Variants in TBXAS1 observed in about 807,000 individuals in gnomAD.
TBXAS1 encodes the protein thromboxane-A synthase.
TBXAS1 carries 48 observed loss-of-function variants against 60.7 expected under a neutral mutation model. That is an observed-to-expected ratio of 0.79 (90% CI 0.63 to 1.01). TBXAS1 has a LOEUF of 1.01. Ranked by LOEUF, TBXAS1 falls within the 50% of genes least tolerant of loss-of-function variation. The probability of loss-of-function intolerance (pLI) is 0.00; values close to 1 mark genes in which losing one functional copy is unlikely to be tolerated. For synonymous variants in TBXAS1, 287 were observed against 269.7 expected, an observed-to-expected ratio of 1.06 and a Z score of -0.63; for missense variants, 685 against 686.3, an observed-to-expected ratio of 1.00 and a Z score of 0.02.
In TBXAS1 at chr7:139,890,285, C is replaced by T. The variant is rs1470387175; in HGVS notation, c.236+14648C>T. ...GGCTGGAGTGCTGTGGCGCGATCTC[C>T]GCTCACTGCAAGCTCCGCCTTCCGG... On this transcript the variant is annotated intron_variant, in intron 3 of 12. Coordinates refer to ENST00000448866, the MANE Select transcript of TBXAS1 (RefSeq NM_001061.7). Among the ~76,000 whole-genome samples, 5 of 145,006 alleles carry T rather than the reference C, an allele frequency of 3.4e-5. No individual in the cohort carries two copies. In the East Asian group the frequency reaches 8.3e-4, roughly 24 times the overall value.
At chr7:139,820,069 G>C (rs1023590285) in intron 4 of TBXAS1, among the ~76,000 whole-genome samples, 1 of 152,122 alleles carries the variant, frequency 6.6e-6, no homozygotes. Context: ...TGAGCATGCT[G>C]TCTGTCTCCT....
intron 3 of TBXAS1, among the ~76,000 whole-genome samples, chr7:139,784,926 G>A (rs1738492494): frequency 6.6e-6 from 1 of 152,064 alleles, no homozygotes; most frequent in Non-Finnish European, 1.5e-5. Flanking sequence ...CACAGGGAGA[G>A]GTTACATGGC....
At chr7:139,858,736 G>A (rs953437058) in intron 1 of TBXAS1, among the ~76,000 whole-genome samples, 5 of 152,132 alleles carry the variant, frequency 3.3e-5, no homozygotes, top group African/African-American at 9.7e-5. Context: ...TGTCTTCCTC[G>A]GACCATCCTT....
At chr7:139,818,653 T>C (rs1053496651) in intron 4 of TBXAS1, among the ~76,000 whole-genome samples, 1 of 152,228 alleles carries the variant, frequency 6.6e-6, no homozygotes, top group African/African-American at 2.4e-5. Flanking sequence ...ATTGGGCCTG[T>C]GCCTGGGTCG....
chr7:139,939,753 G>A (rs1808129951), intron 5 of TBXAS1, among the ~76,000 whole-genome samples: 1 of 152,092 alleles, frequency 6.6e-6, no homozygotes, highest in African/African-American at 2.4e-5. Flanking sequence ...TTTAAGGGAG[G>A]AGCGGAGGAG....
intron 5 of TBXAS1, among the ~76,000 whole-genome samples, chr7:139,948,128 G>A (rs1808888183): frequency 1.3e-5 from 2 of 152,230 alleles, no homozygotes; most frequent in South Asian, 4.1e-4. Flanking sequence ...GCCTCCCAAA[G>A]TGCTGAGATT....
chr7:139,979,341 C>G (rs1303801659), intron 9 of TBXAS1, among the ~76,000 whole-genome samples: 3 of 152,126 alleles, frequency 2.0e-5, no homozygotes, highest in Non-Finnish European at 4.4e-5. Context: ...CAAAGAAATA[C>G]TATTAAGTCA....
At chr7:139,877,728 C>CTTT (rs902893678) in intron 3 of TBXAS1, among the ~76,000 whole-genome samples, 7 of 97,686 alleles carry the variant, frequency 7.2e-5, no homozygotes, top group South Asian at 3.5e-4. Flanking sequence ...CAGTCTATTG[C>CTTT]TTTTTTTTTT....
intron 1 of TBXAS1, among the ~76,000 whole-genome samples, chr7:139,862,884 A>T (rs116221655): frequency 0.016 from 2,413 of 152,290 alleles, 37 homozygotes; most frequent in African/African-American, 0.036. Context: ...ACATGTTCTC[A>T]TGTTGTGCTT....
At chr7:139,983,414 T>C (rs1267716155) in intron 9 of TBXAS1, among the ~76,000 whole-genome samples, 1 of 152,220 alleles carries the variant, frequency 6.6e-6, no homozygotes, top group Non-Finnish European at 1.5e-5. Flanking sequence ...AAAGATTCCC[T>C]TCTAGAGTCG....
Position 139,987,239 on chromosome 7 carries a change from G to A in TBXAS1, c.1135-19852G>A, listed in dbSNP as rs190707960. On this transcript the variant is annotated intron_variant, in intron 9 of 12. Transcript: ENST00000448866. The stretch of plus-strand genomic sequence containing the variant: ...TCCTTGGTGACTCCAGGGTGCAGCC[G>A]AGGTTGAGAACCATTGGGAATAGAA... Among the ~76,000 whole-genome samples, 116 of 152,280 alleles carry A rather than the reference G, an allele frequency of 7.6e-4. 1 individual carries two copies. The highest frequency in any genetic ancestry group is 1.5e-4 in the Non-Finnish European group (10 of 68,022).
chr7:139,842,892 C>T (rs1031522613), intron 1 of TBXAS1, among the ~76,000 whole-genome samples: 6 of 152,176 alleles, frequency 3.9e-5, no homozygotes, highest in African/African-American at 1.4e-4. Flanking sequence ...CTTTTTTCCC[C>T]TCGAAGATAT....
intron 3 of TBXAS1, among the ~76,000 whole-genome samples, chr7:139,892,243 C>T (rs1803676871): frequency 1.3e-5 from 2 of 152,130 alleles, no homozygotes; most frequent in African/African-American, 4.8e-5. Flanking sequence ...CTTAGCTCAG[C>T]TATCCCTACT....
At position 140,006,308 on chromosome 7, in the gene TBXAS1, G is replaced by A. The variant is rs914919397; in HGVS notation, c.1135-783G>A. Among the ~76,000 whole-genome samples the A allele has an allele frequency of 2.6e-5, 4 of 152,260 alleles. No individual in the cohort carries two copies. The East Asian group carries it at 5.8e-4, about 22-fold the overall frequency. ...ACCCTGCTCAAGAGCTCATGGGCACGTGTTCATCTTCAGGCCAAAGATGGG... is the reference window on the plus strand; with the variant it reads ...ACCCTGCTCAAGAGCTCATGGGCACATGTTCATCTTCAGGCCAAAGATGGG... On this transcript the variant is annotated intron_variant, in intron 9 of 12. Transcript: ENST00000448866.
chr7:139,884,096 G>A (rs1802897656), intron 3 of TBXAS1, among the ~76,000 whole-genome samples: 1 of 152,176 alleles, frequency 6.6e-6, no homozygotes, highest in Middle Eastern at 3.2e-3. Flanking sequence ...TTGCCTCTTT[G>A]TGGTTTAAGA....
chr7:139,969,592 G>GAA (rs8192840), intron 9 of TBXAS1, among the ~76,000 whole-genome samples: 1 of 149,956 alleles, frequency 6.7e-6, no homozygotes, highest in Admixed American at 6.7e-5. Context: ...CCTCACTATG[G>GAA]AAAAAAAAAA....
chr7:139,862,448 G>T (rs1225669300), intron 1 of TBXAS1, among the ~76,000 whole-genome samples: 2 of 152,172 alleles, frequency 1.3e-5, no homozygotes, highest in African/African-American at 4.8e-5. Flanking sequence ...CTTGACAAGG[G>T]CAGCCCCAAG....
chr7:139,990,692 A>G (rs910599551), intron 9 of TBXAS1, among the ~76,000 whole-genome samples: 20 of 113,460 alleles, frequency 1.8e-4, no homozygotes, highest in African/African-American at 6.8e-4. Flanking sequence ...CACCCCCGGC[A>G]CTGTGCTCTC....
intron 9 of TBXAS1, among the ~76,000 whole-genome samples, chr7:139,964,091 T>C (rs1810588526): frequency 6.6e-6 from 1 of 151,966 alleles, no homozygotes; most frequent in Non-Finnish European, 1.5e-5. Flanking sequence ...CATTCTTTTT[T>C]ATTTTTTTTT....
Sources: gnomAD v4.1 joint callset for allele counts (sites outside exome capture counted in the v4.1 genomes callset) on GRCh38, gnomAD v4.1.1 for gene constraint, MANE v1.5 for transcripts, NCBI Gene and HGNC (gene_info 2026-07-23, HGNC 2026-07-21) for gene names.